The following CACNA1E variants were observed in gnomAD, a reference collection of about 807,000 sequenced individuals.
CACNA1E encodes the protein voltage-dependent R-type calcium channel subunit alpha-1E.
Under a neutral mutation model 259.2 loss-of-function variants are expected in CACNA1E, and 40 were observed. That is an observed-to-expected ratio of 0.15 (90% CI 0.12 to 0.20). CACNA1E has a LOEUF of 0.20. Ranked by LOEUF, CACNA1E falls within the 10% of genes least tolerant of loss-of-function variation. The probability of loss-of-function intolerance (pLI) is 1.00; values close to 1 mark genes in which losing one functional copy is unlikely to be tolerated. For missense variants in CACNA1E, 1,874 were observed against 3,040.1 expected (o/e 0.62, Z 9.02); for synonymous variants, 1,104 against 1,138.5 (o/e 0.97, Z 0.61).
At chr1:181,560,459 G>A (rs1375581687) in intron 3 of CACNA1E, among the ~76,000 whole-genome samples, 1 of 151,630 alleles carries the variant, frequency 6.6e-6, no homozygotes, top group Non-Finnish European at 1.5e-5. Context: ...TCCCTTTAAA[G>A]TTATACTGCT....
intron 6 of CACNA1E, among the ~76,000 whole-genome samples, chr1:181,581,100 G>A (rs1651470574): frequency 6.6e-6 from 1 of 152,076 alleles, no homozygotes; most frequent in Non-Finnish European, 1.5e-5. Context: ...GTATAGTGAA[G>A]GGTACTAATG....
chr1:181,533,186 T>G (rs1667910645), intron 3 of CACNA1E, among the ~76,000 whole-genome samples: 1 of 151,920 alleles, frequency 6.6e-6, no homozygotes, highest in East Asian at 1.9e-4. Context: ...GATGAAGATG[T>G]GGCAGTTTGG....
chr1:181,321,201 C>T (rs1410545008), intron 1 of CACNA1E, among the ~76,000 whole-genome samples: 2 of 152,196 alleles, frequency 1.3e-5, no homozygotes, highest in African/African-American at 4.8e-5. Context: ...AAACACCTCT[C>T]ACTAGGTCCC....
Position 181,397,460 on chromosome 1 carries a change from C to A in CACNA1E, c.-14-15673C>A, listed in dbSNP as rs967097900. Among the ~76,000 whole-genome samples the A allele has an allele frequency of 2.0e-5, 3 of 152,170 alleles. No homozygotes were observed. In the East Asian group the frequency reaches 5.8e-4, roughly 29 times the overall value. ...GGATTACAGGCATGCGTCACCACACCAGGCTAATTTTTGTATTTTTAGTAG... is the reference window on the plus strand; with the variant it reads ...GGATTACAGGCATGCGTCACCACACAAGGCTAATTTTTGTATTTTTAGTAG... On this transcript the variant is annotated intron_variant, in intron 1 of 11. Transcript: ENST00000524607.
At chr1:181,783,142 G>A (rs756386950) in intron 39 of CACNA1E, among the ~76,000 whole-genome samples, 36 of 152,192 alleles carry the variant, frequency 2.4e-4, no homozygotes, top group Non-Finnish European at 3.5e-4. Context: ...AATCATGTGC[G>A]GGCAAATTTC....
chr1:181,763,346 C>T (rs1658751786), intron 33 of CACNA1E, 60 bp from the exon 34 acceptor site: 2 of 1,394,950 alleles, frequency 1.4e-6, no homozygotes, highest in Admixed American at 4.0e-5. Flanking sequence ...AATACTAGTG[C>T]TTAGATTTTT....
intron 3 of CACNA1E, among the ~76,000 whole-genome samples, chr1:181,570,302 ACTTAAC>A (rs1456472312): frequency 6.6e-6 from 1 of 151,518 alleles, no homozygotes; most frequent in Non-Finnish European, 1.5e-5. Flanking sequence ...GTGCAGGGGG[ACTTAAC>A]CTTGACCACA....
intron 3 of CACNA1E, among the ~76,000 whole-genome samples, chr1:181,568,890 G>A (rs1406648333): frequency 6.6e-6 from 1 of 152,224 alleles, no homozygotes; most frequent in Admixed American, 6.5e-5. Context: ...ACAGGCGTGA[G>A]CCACTGTGCC....
intron 1 of CACNA1E, among the ~76,000 whole-genome samples, chr1:181,356,570 A>G (rs1295423672): frequency 6.6e-6 from 1 of 152,212 alleles, no homozygotes; most frequent in African/African-American, 2.4e-5. Context: ...GAAGACATAC[A>G]TGCTCTTGCC....
intron 1 of CACNA1E, among the ~76,000 whole-genome samples, chr1:181,393,477 A>G (rs1656440365): frequency 6.6e-6 from 1 of 151,942 alleles, no homozygotes; most frequent in South Asian, 2.1e-4. Context: ...TTTTTTTCTG[A>G]AACAGGGTCT....
chr1:181,688,267 C>T (rs925047948), intron 7 of CACNA1E, among the ~76,000 whole-genome samples: 65 of 152,216 alleles, frequency 4.3e-4, no homozygotes, highest in African/African-American at 1.5e-3. Flanking sequence ...TGCAATATAT[C>T]GCTAAATGTT....
At chr1:181,689,176 C>A (rs1303622609) in intron 7 of CACNA1E, among the ~76,000 whole-genome samples, 2 of 152,148 alleles carry the variant, frequency 1.3e-5, no homozygotes, top group Non-Finnish European at 2.9e-5. Flanking sequence ...GTTCCCCTCC[C>A]TGTATCCATG....
At chr1:181,403,010 G>C (rs901232377) in intron 1 of CACNA1E, among the ~76,000 whole-genome samples, 4 of 152,156 alleles carry the variant, frequency 2.6e-5, no homozygotes, top group Admixed American at 6.5e-5. Flanking sequence ...TTCAGGTCTT[G>C]AGTTCAAGAA....
intron 2 of CACNA1E, among the ~76,000 whole-genome samples, chr1:181,416,008 G>T (rs2102163926): frequency 6.6e-6 from 1 of 152,334 alleles, no homozygotes; most frequent in South Asian, 2.1e-4. Flanking sequence ...GGGATGTCAA[G>T]CCCAAATCTG....
At position 181,806,734 on chromosome 1, in the gene CACNA1E, T is replaced by C. The variant is rs1341916312; in HGVS notation, c.*7900T>C. ...ATAAAAGAAAGATGAAAAACTTTAA[T>C]GTTTTGGGGGGGATAAAAGAAAAGA... On this transcript the variant is annotated 3_prime_UTR_variant, in exon 48 of 48. Transcript: ENST00000367573. The C allele has an allele frequency of 1.3e-5, 2 of 152,206 alleles. No individual in the cohort carries two copies. Among genetic ancestry groups the C allele is most frequent in the Non-Finnish European group, 2.9e-5 (2 of 68,042 alleles). The allele number at this position is 152,206 out of a possible 1,614,324, so 9.4% of individuals were successfully genotyped here.
intron 6 of CACNA1E, among the ~76,000 whole-genome samples, chr1:181,630,928 G>T (rs1476165980): frequency 6.6e-6 from 1 of 152,118 alleles, no homozygotes; most frequent in Non-Finnish European, 1.5e-5. Flanking sequence ...TACCTCCCAA[G>T]TGTTGTTTTT....
intron 1 of CACNA1E, among the ~76,000 whole-genome samples, chr1:181,396,833 A>G (rs1006652912): frequency 6.6e-6 from 1 of 152,262 alleles, no homozygotes; most frequent in African/African-American, 2.4e-5. Flanking sequence ...GTTTAAGGAA[A>G]ATAAATCACA....
At chr1:181,706,816 T>A (rs1652843149) in intron 7 of CACNA1E, among the ~76,000 whole-genome samples, 1 of 152,256 alleles carries the variant, frequency 6.6e-6, no homozygotes, top group African/African-American at 2.4e-5. Context: ...AATTGGATTA[T>A]CTTGGGCAAG....
At chr1:181,523,598 A>G (rs1235544315) in intron 3 of CACNA1E, among the ~76,000 whole-genome samples, 1 of 152,188 alleles carries the variant, frequency 6.6e-6, no homozygotes, top group African/African-American at 2.4e-5. Flanking sequence ...TAGAAAAAGG[A>G]ATGGCTCTGG....
Sources: gnomAD v4.1 joint callset for allele counts (sites outside exome capture counted in the v4.1 genomes callset) on GRCh38, gnomAD v4.1.1 for gene constraint, MANE v1.5 for transcripts, NCBI Gene and HGNC (gene_info 2026-07-23, HGNC 2026-07-21) for gene names.